Variants in PROS1 observed in about 807,000 individuals in gnomAD.
PROS1 encodes vitamin K-dependent protein S.
PROS1 carries 29 observed loss-of-function variants against 75.9 expected under a neutral mutation model. The observed-to-expected ratio is 0.38, with a 90% CI of 0.28 to 0.52. The LOEUF (loss-of-function observed/expected upper bound fraction) is 0.52, where lower values mean the gene tolerates loss of function less well. Among genes scored for constraint, PROS1 ranks in the 20% least tolerant of loss-of-function variants. The pLI is 0.83. For synonymous variants in PROS1, 245 were observed against 280.6 expected (o/e 0.87, Z 1.27); for missense variants, 680 against 810.3 (o/e 0.84, Z 1.95).
At chr3:93,965,013 A>G (rs1385647886) in intron 1 of PROS1, among the ~76,000 whole-genome samples, 14 of 152,156 alleles carry the variant, frequency 9.2e-5, no homozygotes, top group African/African-American at 3.1e-4. Context: ...CACCCGACCA[A>G]TCAGAGAGCT....
rs552311850 is a variant in PROS1, at chr3:93,880,775, C to T, written c.1493-1461G>A. 2.6e-5 allele frequency among the ~76,000 whole-genome samples: 4 copies of T among 152,192 alleles called. No homozygotes were observed. The South Asian group carries it at 8.3e-4, about 32-fold the overall frequency. On this transcript the variant is annotated intron_variant, in intron 12 of 14. Coordinates refer to ENST00000394236, the MANE Select transcript of PROS1 (RefSeq NM_000313.4). ...ATTAAATATTAATTACAAAGTAGAT[C>T]ACTTACAAATTATCCATGAAATGAT...
At chr3:93,937,243 G>A (rs1268705070) in intron 1 of PROS1, among the ~76,000 whole-genome samples, 1 of 152,216 alleles carries the variant, frequency 6.6e-6, no homozygotes, top group Non-Finnish European at 1.5e-5. Context: ...CAAGCAGGCA[G>A]TACGTGACAG....
intron 1 of PROS1, among the ~76,000 whole-genome samples, chr3:93,966,627 C>A (rs1414486543): frequency 1.3e-5 from 2 of 152,050 alleles, no homozygotes; most frequent in Non-Finnish European, 2.9e-5. Flanking sequence ...ACCTGTAATC[C>A]CAGCACTTTG....
chr3:93,906,980 T>C (rs1708686057), intron 4 of PROS1, among the ~76,000 whole-genome samples: 1 of 152,192 alleles, frequency 6.6e-6, no homozygotes, highest in South Asian at 2.1e-4. Flanking sequence ...AGTGCTGGCC[T>C]GCAGGCACCC....
At chr3:93,888,977 A>G (rs1370535350) in intron 10 of PROS1, among the ~76,000 whole-genome samples, 5 of 151,558 alleles carry the variant, frequency 3.3e-5, no homozygotes, top group Non-Finnish European at 1.5e-5. Context: ...TTTTCTAACT[A>G]CTCTCCCCTG....
chr3:93,927,482 G>A, intron 1 of PROS1, 75 bp from the exon 2 acceptor site: 1 of 1,452,390 alleles, frequency 6.9e-7, no homozygotes, highest in Non-Finnish European at 9.4e-7. Context: ...AACAATAAGA[G>A]TTAAAATCAT....
intron 6 of PROS1, among the ~76,000 whole-genome samples, chr3:93,902,731 CA>C (rs1348801069): frequency 6.6e-6 from 1 of 150,392 alleles, no homozygotes; most frequent in African/African-American, 2.4e-5. Context: ...GCCTGGGCAT[CA>C]TAGCGAGACT....
At chr3:93,971,167 C>A (rs571280111) in intron 1 of PROS1, among the ~76,000 whole-genome samples, 1 of 151,518 alleles carries the variant, frequency 6.6e-6, no homozygotes, top group Admixed American at 6.6e-5. Context: ...CATAGTGAAA[C>A]CCTGTCTCTA....
chr3:93,884,009 G>A (rs1386597352), intron 12 of PROS1, among the ~76,000 whole-genome samples: 1 of 152,082 alleles, frequency 6.6e-6, no homozygotes, highest in Non-Finnish European at 1.5e-5. Context: ...GGGTAATCCT[G>A]GCACCAACAA....
At chr3:93,965,195 A>G (rs766128561) in intron 1 of PROS1, among the ~76,000 whole-genome samples, 1 of 152,008 alleles carries the variant, frequency 6.6e-6, no homozygotes, top group Non-Finnish European at 1.5e-5. Context: ...TTTTCACTCT[A>G]TTTCACAATA....
chr3:93,894,939 A>C (rs1458358205), intron 9 of PROS1, among the ~76,000 whole-genome samples: 1 of 152,218 alleles, frequency 6.6e-6, no homozygotes, highest in Non-Finnish European at 1.5e-5. Flanking sequence ...GTTAGAGATC[A>C]AACTACTATG....
At chr3:93,942,938 C>T (rs549133974) in intron 1 of PROS1, among the ~76,000 whole-genome samples, 1 of 152,284 alleles carries the variant, frequency 6.6e-6, no homozygotes, top group East Asian at 1.9e-4. Flanking sequence ...AGTCAGGAAA[C>T]TGAAATACCT....
intron 3 of PROS1, among the ~76,000 whole-genome samples, chr3:93,917,377 G>A (rs553062826): frequency 2.0e-5 from 3 of 152,266 alleles, no homozygotes; most frequent in East Asian, 1.9e-4. Context: ...TTGGCTCACC[G>A]CAACCTCCAC....
chr3:93,916,040 G>T (rs1576192479), intron 3 of PROS1, among the ~76,000 whole-genome samples: 2 of 152,118 alleles, frequency 1.3e-5, no homozygotes, highest in East Asian at 3.9e-4. Context: ...TACAGTTCTG[G>T]AGGCTGGGAA....
At chr3:93,925,360 G>C (rs1320927447) in intron 2 of PROS1, among the ~76,000 whole-genome samples, 1 of 152,128 alleles carries the variant, frequency 6.6e-6, no homozygotes, top group Non-Finnish European at 1.5e-5. Flanking sequence ...AATAGATAAT[G>C]GGATTCAAAG....
intron 7 of PROS1, 120 bp downstream of exon 7, chr3:93,900,684 C>A: frequency 2.9e-6 from 4 of 1,363,602 alleles, no homozygotes; most frequent in Non-Finnish European, 4.1e-6. Context: ...ATTGAACAAG[C>A]TATATTAGGG....
intron 2 of PROS1, among the ~76,000 whole-genome samples, chr3:93,925,506 G>T (rs1162485432): frequency 6.6e-6 from 1 of 151,852 alleles, no homozygotes; most frequent in Non-Finnish European, 1.5e-5. Flanking sequence ...GATCACACCT[G>T]TAATCATGAG....
At chr3:93,956,547 CACACACACACACACAA>C (rs1039389859) in intron 1 of PROS1, among the ~76,000 whole-genome samples, 1 of 75,982 alleles carries the variant, frequency 1.3e-5, no homozygotes, top group Non-Finnish European at 3.2e-5. Context: ...CACACACACA[CACACACACACACACAA>C]ACACACACAC....
rs553540325 is a variant in PROS1 at position 93,905,928 on chromosome 3, A to G, written c.470-13T>C. The G allele has an allele frequency of 3.1e-6, 5 of 1,612,598 alleles. No individual in the cohort carries two copies. Among genetic ancestry groups the G allele is most frequent in the African/African-American group, 1.3e-5 (1 of 74,936 alleles). On this transcript the variant is annotated splice_polypyrimidine_tract_variant and intron_variant, in intron 5 of 14. Coordinates refer to ENST00000394236, the MANE Select transcript of PROS1 (RefSeq NM_000313.4). ...CATTCATTTATGTCTAAAACAGGAA[A>G]AAAATAAATTATTTTTAAAGTAATA...
Sources: gnomAD v4.1 joint callset for allele counts (sites outside exome capture counted in the v4.1 genomes callset) on GRCh38, gnomAD v4.1.1 for gene constraint, MANE v1.5 for transcripts, NCBI Gene and HGNC (gene_info 2026-07-23, HGNC 2026-07-21) for gene names.